The following ATRNL1 variants were observed in gnomAD, a reference collection of about 807,000 sequenced individuals.
ATRNL1 encodes attractin-like protein 1.
In ATRNL1, 95 loss-of-function variants were observed where a neutral mutation model predicts 182.7. That is an observed-to-expected ratio of 0.52 (90% confidence interval 0.44 to 0.62). ATRNL1 has a LOEUF of 0.62. ATRNL1 is among the 20% of genes least tolerant of loss of function. The pLI, the probability that ATRNL1 is intolerant of heterozygous loss-of-function variation, is 0.00. For synonymous variants in ATRNL1, 576 were observed against 568.3 expected (o/e 1.01, Z -0.19); for missense variants, 1,471 against 1,679.5 (o/e 0.88, Z 2.17).
intron 8 of ATRNL1, among the ~76,000 whole-genome samples, chr10:115,174,373 G>A (rs540437870): frequency 2.9e-4 from 44 of 151,764 alleles, no homozygotes; most frequent in Non-Finnish European, 5.3e-4. Context: ...TTTGACTTTT[G>A]AAATTTTAAA....
At chr10:115,315,158 T>G (rs1554929144) in intron 17 of ATRNL1, among the ~76,000 whole-genome samples, 2 of 152,180 alleles carry the variant, frequency 1.3e-5, no homozygotes, top group Non-Finnish European at 2.9e-5. Context: ...ACAATAAGAA[T>G]GGCTAACATG....
At chr10:115,177,453 T>A (rs1392675166) in intron 8 of ATRNL1, among the ~76,000 whole-genome samples, 1 of 152,160 alleles carries the variant, frequency 6.6e-6, no homozygotes, top group African/African-American at 2.4e-5. Context: ...AGGATTTCAG[T>A]GAAATAATTC....
At chr10:115,539,340 A>G (rs1293790670) in intron 25 of ATRNL1, among the ~76,000 whole-genome samples, 3 of 152,224 alleles carry the variant, frequency 2.0e-5, no homozygotes, top group African/African-American at 7.2e-5. Flanking sequence ...GTTCCAGGTA[A>G]GATTGTGTAA....
chr10:115,922,715 A>C (rs534442537), intron 28 of ATRNL1, among the ~76,000 whole-genome samples: 1 of 152,238 alleles, frequency 6.6e-6, no homozygotes, highest in Admixed American at 6.5e-5. Context: ...GACTTTTCCA[A>C]TCTGACATAT....
chr10:115,702,389 A>G lies in ATRNL1; in HGVS notation c.3796-24859A>G, dbSNP rs114034115. ...AAGGATGCTCACTTTCACTATTCCT[A>G]TTCAACATAGTTCTGGAAGTCCTAG... On this transcript the variant is annotated intron_variant, in intron 26 of 28. Transcript: ENST00000355044. Among the ~76,000 whole-genome samples, 1,327 of 152,180 alleles carry G rather than the reference A, an allele frequency of 8.7e-3. 12 individuals carry two copies. Among genetic ancestry groups the G allele is most frequent in the African/African-American group, 0.029 (1,189 of 41,558 alleles).
intron 17 of ATRNL1, among the ~76,000 whole-genome samples, chr10:115,305,804 A>G (rs1554926014): frequency 6.6e-6 from 1 of 152,208 alleles, no homozygotes. Context: ...TGTATTCTCA[A>G]AAATGTCAGC....
chr10:115,484,873 A>G (rs1387457454), intron 24 of ATRNL1, among the ~76,000 whole-genome samples: 1 of 151,936 alleles, frequency 6.6e-6, no homozygotes, highest in Non-Finnish European at 1.5e-5. Context: ...GAAATGTAAG[A>G]TGTTTATTGA....
intron 26 of ATRNL1, among the ~76,000 whole-genome samples, chr10:115,575,226 G>T (rs782105690): frequency 2.0e-5 from 3 of 152,078 alleles, no homozygotes; most frequent in African/African-American, 7.2e-5. Context: ...AATATGTGTT[G>T]TTAATGGACC....
At chr10:115,474,630 A>C (rs913761553) in intron 24 of ATRNL1, among the ~76,000 whole-genome samples, 3 of 151,254 alleles carry the variant, frequency 2.0e-5, no homozygotes, top group African/African-American at 7.3e-5. Flanking sequence ...TGGTGGTGTT[A>C]GGACTCTTCA....
chr10:115,113,115 G>C (rs1160876973), intron 1 of ATRNL1, among the ~76,000 whole-genome samples: 1 of 152,146 alleles, frequency 6.6e-6, no homozygotes, highest in African/African-American at 2.4e-5. Context: ...AAGCAAAAGT[G>C]GACTGGTCAA....
chr10:115,947,864 T>C lies in ATRNL1; in HGVS notation c.*3085T>C, dbSNP rs1477367625. On this transcript the variant is annotated 3_prime_UTR_variant, in exon 29 of 29. Coordinates refer to ENST00000355044, the MANE Select transcript of ATRNL1 (RefSeq NM_207303.4). ...ACCTTTGAAGCCTCAGCCTTCCATC[T>C]GTAAAGGGCGGTAATGGTGCCCACC... 1 of 152,192 alleles carries C rather than the reference T, an allele frequency of 6.6e-6. No homozygotes were observed. The highest frequency in any genetic ancestry group is 2.4e-5 in the African/African-American group (1 of 41,438). 9.4% of individuals were successfully genotyped at this position (152,192 alleles called of 1,614,324 possible). A position where few individuals can be genotyped will look rare whatever the true frequency, so the allele number is the denominator to read the frequency against.
chr10:115,644,090 CAAA>C (rs1859444594), intron 26 of ATRNL1, among the ~76,000 whole-genome samples: 1 of 152,064 alleles, frequency 6.6e-6, no homozygotes, highest in Non-Finnish European at 1.5e-5. Context: ...AATATATAAA[CAAA>C]GTGTAGTATG....
At chr10:115,891,563 G>C (rs1290363037) in intron 28 of ATRNL1, among the ~76,000 whole-genome samples, 1 of 152,142 alleles carries the variant, frequency 6.6e-6, no homozygotes, top group South Asian at 2.1e-4. Flanking sequence ...TGATGATCGT[G>C]AATCTTCTGT....
intron 24 of ATRNL1, among the ~76,000 whole-genome samples, chr10:115,493,129 T>G (rs1288609051): frequency 6.6e-6 from 1 of 152,168 alleles, no homozygotes; most frequent in African/African-American, 2.4e-5. Context: ...CAACTTTTAT[T>G]TTAGATTTAG....
intron 26 of ATRNL1, among the ~76,000 whole-genome samples, chr10:115,587,522 C>G (rs1592903230): frequency 1.3e-5 from 2 of 151,268 alleles, no homozygotes; most frequent in Non-Finnish European, 1.5e-5. Context: ...ACCCGATTTT[C>G]CAGGTGCCAT....
intron 24 of ATRNL1, among the ~76,000 whole-genome samples, chr10:115,518,939 G>T (rs1427067449): frequency 6.6e-6 from 1 of 151,894 alleles, no homozygotes; most frequent in Non-Finnish European, 1.5e-5. Context: ...TGTTTTCTTA[G>T]CTGAGTTGAA....
At chr10:115,330,447 T>C (rs1855152665) in intron 18 of ATRNL1, among the ~76,000 whole-genome samples, 1 of 152,134 alleles carries the variant, frequency 6.6e-6, no homozygotes, top group African/African-American at 2.4e-5. Flanking sequence ...CTCCTGAAAG[T>C]ATTTTTTTTG....
chr10:115,609,873 G>T (rs367811811), intron 26 of ATRNL1, among the ~76,000 whole-genome samples: 1 of 152,190 alleles, frequency 6.6e-6, no homozygotes, highest in South Asian at 2.1e-4. Flanking sequence ...TTGTTCTTAC[G>T]GTATCCGTGG....
chr10:115,105,380 A>G (rs751813041), intron 1 of ATRNL1, among the ~76,000 whole-genome samples: 2 of 152,234 alleles, frequency 1.3e-5, no homozygotes, highest in African/African-American at 4.8e-5. Context: ...GAAACAGAGC[A>G]TAAAAATTTG....
Sources: gnomAD v4.1 joint callset for allele counts (sites outside exome capture counted in the v4.1 genomes callset) on GRCh38, gnomAD v4.1.1 for gene constraint, MANE v1.5 for transcripts, NCBI Gene and HGNC (gene_info 2026-07-23, HGNC 2026-07-21) for gene names.